ARHGEF6: variants seen among roughly 807,000 people sequenced by gnomAD.
The protein encoded by ARHGEF6 is Rac/Cdc42 guanine nucleotide exchange factor 6.
Under a neutral mutation model 70.3 loss-of-function variants are expected in ARHGEF6, and 9 were observed. The observed-to-expected ratio is 0.13, with a 90% CI of 0.08 to 0.22. ARHGEF6 has a LOEUF of 0.22. ARHGEF6 is among the 10% of genes least tolerant of loss of function. ARHGEF6 has a pLI of 1.00. For synonymous variants in ARHGEF6, 201 were observed against 207.8 expected (o/e 0.97, Z 0.28); for missense variants, 470 against 563.0 (o/e 0.83, Z 1.67).
intron 2 of ARHGEF6, among the ~76,000 whole-genome samples, chrX:136,774,353 A>T (rs2077385757): frequency 9.0e-6 from 1 of 110,720 alleles, no homozygotes; most frequent in Non-Finnish European, 1.9e-5. Flanking sequence ...TTGAAAAAAA[A>T]AAATACCATA....
chrX:136,704,208 T>A (rs899819660), intron 9 of ARHGEF6, among the ~76,000 whole-genome samples: 2 of 112,434 alleles, frequency 1.8e-5, no homozygotes, highest in African/African-American at 6.5e-5. Context: ...AATGAGTGAC[T>A]GTTACTGGGG....
At chrX:136,767,476 T>G in intron 2 of ARHGEF6, 6 of 754,980 alleles carry the variant, frequency 7.9e-6, no homozygotes, top group Non-Finnish European at 9.4e-6. Context: ...GGATTGTTTT[T>G]TAATCTAAAG....
intron 2 of ARHGEF6, among the ~76,000 whole-genome samples, chrX:136,752,549 C>T (rs73565148): frequency 0.011 from 1,180 of 112,160 alleles, 18 homozygotes; most frequent in African/African-American, 0.037. Context: ...AGTCTAGCCA[C>T]ATCTTAGTTA....
At chrX:136,724,176 T>A (rs1182143061) in intron 6 of ARHGEF6, among the ~76,000 whole-genome samples, 2 of 108,160 alleles carry the variant, frequency 1.8e-5, no homozygotes, top group African/African-American at 6.7e-5. Context: ...GCCTCCTGGG[T>A]TCCAGTGATT....
At chrX:136,769,515 G>T (rs1227241378) in intron 2 of ARHGEF6, among the ~76,000 whole-genome samples, 1 of 111,919 alleles carries the variant, frequency 8.9e-6, no homozygotes, top group Admixed American at 9.5e-5. Flanking sequence ...GGTGGAAGAG[G>T]ACAAAGGCAG....
intron 5 of ARHGEF6, among the ~76,000 whole-genome samples, chrX:136,737,758 A>C (rs929214000): frequency 1.4e-4 from 14 of 102,469 alleles, no homozygotes; most frequent in African/African-American, 5.0e-4. Context: ...CAAACATAAC[A>C]CAACATAGCA....
intron 2 of ARHGEF6, among the ~76,000 whole-genome samples, chrX:136,753,185 C>G (rs925280301): frequency 8.9e-6 from 1 of 112,342 alleles, no homozygotes; most frequent in Non-Finnish European, 1.9e-5. Flanking sequence ...AATAGCTGTT[C>G]CTATTTGATA....
chrX:136,669,422 G>C (rs371487272), intron 21 of ARHGEF6, 60 bp downstream of exon 21: 1 of 1,074,529 alleles, frequency 9.3e-7, no homozygotes, highest in Admixed American at 2.2e-5. Context: ...CATGAGCAGC[G>C]TGAGGCAAGA....
intron 20 of ARHGEF6, among the ~76,000 whole-genome samples, chrX:136,670,369 A>G (rs1234767459): frequency 8.9e-6 from 1 of 112,028 alleles, no homozygotes; most frequent in Non-Finnish European, 1.9e-5. Flanking sequence ...GTATGAAAAA[A>G]ATCTGTACAT....
chrX:136,757,418 A>C (rs73565160), intron 2 of ARHGEF6, among the ~76,000 whole-genome samples: 1,393 of 111,839 alleles, frequency 0.012, 24 homozygotes, highest in African/African-American at 0.043. Context: ...ATAATAAATA[A>C]ATTTAAAATA....
At chrX:136,679,325 T>C (rs1042697635) in intron 16 of ARHGEF6, among the ~76,000 whole-genome samples, 2 of 111,951 alleles carry the variant, frequency 1.8e-5, no homozygotes, top group Non-Finnish European at 3.8e-5. Context: ...GCAGTGCACA[T>C]AGATCCTGTA....
At chrX:136,727,417 CTT>C (rs2076878379) in intron 6 of ARHGEF6, among the ~76,000 whole-genome samples, 2 of 96,419 alleles carry the variant, frequency 2.1e-5, no homozygotes, top group South Asian at 5.0e-4. Flanking sequence ...CTCTCTCTTT[CTT>C]TCTTTCTTTC....
chrX:136,684,517 C>T (rs2076364518), intron 12 of ARHGEF6, among the ~76,000 whole-genome samples: 1 of 111,407 alleles, frequency 9.0e-6, no homozygotes, highest in Admixed American at 9.5e-5. Context: ...CTCCCTTTCC[C>T]TGGCTCCTTC....
chrX:136,748,152 A>G (rs2077114895), intron 2 of ARHGEF6, among the ~76,000 whole-genome samples: 1 of 110,924 alleles, frequency 9.0e-6, no homozygotes. Flanking sequence ...TGTTGCCCAA[A>G]CTTTCTGCCC....
At chrX:136,728,714 G>C (rs1459739396) in intron 6 of ARHGEF6, among the ~76,000 whole-genome samples, 1 of 109,431 alleles carries the variant, frequency 9.1e-6, no homozygotes, top group Admixed American at 9.7e-5. Flanking sequence ...GTGGAGTAGA[G>C]CATATTGCCT....
chrX:136,690,977 C>G (rs1323718663), intron 9 of ARHGEF6, among the ~76,000 whole-genome samples: 1 of 110,295 alleles, frequency 9.1e-6, no homozygotes, highest in African/African-American at 3.3e-5. Flanking sequence ...CTCATGATCC[C>G]TGGTGTCACA....
rs890746991 is a variant in ARHGEF6, at chrX:136,734,734, T to C, written c.662-2562A>G. Among the ~76,000 whole-genome samples the C allele has an allele frequency of 1.5e-4, 17 of 111,653 alleles. 2 individuals are homozygous for C. On this transcript the variant is annotated intron_variant, in intron 5 of 21. Coordinates refer to ENST00000250617, the MANE Select transcript of ARHGEF6 (RefSeq NM_004840.3). ...GACCAATATCCCTCATGAATATAGA[T>C]GCAAAAAAATTTACAAAATATTAGC...
Position 136,779,460 on chromosome X carries a change from T to TTGA in ARHGEF6, c.200_202dup (p.Ile67dup). On this transcript the variant is annotated inframe_insertion, in exon 2 of 22. Coordinates refer to ENST00000250617, the MANE Select transcript of ARHGEF6 (RefSeq NM_004840.3). Reference sequence around the variant, plus strand: ...TCCTTTCAGGAAGTCATTGATGTTGTTGATGCAGTCAGCTTCAGTTTGGGG... The same window carrying TTGA: ...TCCTTTCAGGAAGTCATTGATGTTGTTGATGATGCAGTCAGCTTCAGTTTGGGG... 1 of 1,211,677 alleles carries TTGA rather than the reference T, an allele frequency of 8.3e-7. No individual in the cohort carries two copies. Among genetic ancestry groups the TTGA allele is most frequent in the Non-Finnish European group, 1.1e-6 (1 of 895,303 alleles).
At chrX:136,675,855 A>G (rs1194567419) in intron 18 of ARHGEF6, among the ~76,000 whole-genome samples, 1 of 108,620 alleles carries the variant, frequency 9.2e-6, no homozygotes, top group Non-Finnish European at 1.9e-5. Flanking sequence ...CAGCATAGTC[A>G]CTCATTTTCC....
Sources: allele counts gnomAD v4.1 joint callset (sites outside exome capture counted in the v4.1 genomes callset), GRCh38; gene constraint gnomAD v4.1.1; transcripts MANE v1.5; gene names NCBI Gene and HGNC (gene_info 2026-07-23, HGNC 2026-07-21).